Variants in ABCC3 observed in about 807,000 individuals in gnomAD.
The protein encoded by ABCC3 is ATP binding cassette subfamily C member 3.
Under a neutral mutation model 165.3 loss-of-function variants are expected in ABCC3, and 121 were observed. The ratio of observed to expected loss-of-function variants is 0.73; its 90% confidence interval spans 0.63 to 0.85. The LOEUF (loss-of-function observed/expected upper bound fraction) is 0.85, where lower values mean the gene tolerates loss of function less well. Among genes scored for constraint, ABCC3 ranks in the 40% least tolerant of loss-of-function variants. The pLI, the probability that ABCC3 is intolerant of heterozygous loss-of-function variation, is 0.00. For synonymous variants in ABCC3, 733 were observed against 810.1 expected, an observed-to-expected ratio of 0.90 and a Z score of 1.62; for missense variants, 1,869 against 1,964.1, an observed-to-expected ratio of 0.95 and a Z score of 0.92.
chr17:50,664,645 G>T, intron 10 of ABCC3: 1 of 172,248 alleles, frequency 5.8e-6, no homozygotes, highest in Non-Finnish European at 1.2e-5. Flanking sequence ...AGAGGTTGCA[G>T]TGAGCCGAGA....
At chr17:50,663,555 T>G in intron 8 of ABCC3, 126 bp from the exon 9 acceptor site, 1 of 1,131,432 alleles carries the variant, frequency 8.8e-7, no homozygotes, top group Non-Finnish European at 1.3e-6. Flanking sequence ...CCCAAGAGGT[T>G]GGAGGGGGTG....
chr17:50,673,985 TCTCTC>T (rs1567835595), intron 19 of ABCC3, among the ~76,000 whole-genome samples: 89 of 4,132 alleles, frequency 0.022, 20 homozygotes, highest in South Asian at 0.032. Context: ...TCTTTCTCTC[TCTCTC>T]TCTCTCTCTC....
chr17:50,673,517 T>C lies in ABCC3; in HGVS notation c.2458T>C (p.Phe820Leu). Residue 820 changes from phenylalanine (F) to leucine (L), a missense_variant, in exon 19 of 31, where the codon TTC becomes CTC. By Grantham distance (22) the Phe-to-Leu change is conservative. Transcript: ENST00000285238. ...CATTAGCTTCCTGCCCCAGACAGAC[T>C]TCATCATTGTGCTAGCTGATGGACA... Reference protein sequence around the residue: ...HGISFLPQTDFIIVLADGQVS... With the variant: ...HGISFLPQTDLIIVLADGQVS... 1 of 1,614,144 alleles carries C rather than the reference T, an allele frequency of 6.2e-7. No homozygotes were observed. The highest frequency in any genetic ancestry group is 8.5e-7 in the Non-Finnish European group (1 of 1,180,014).
chr17:50,670,624 T>C (rs1967627849), intron 17 of ABCC3, among the ~76,000 whole-genome samples: 1 of 152,014 alleles, frequency 6.6e-6, no homozygotes. Context: ...AAATGCTCAG[T>C]GGAAAAAATA....
intron 30 of ABCC3, among the ~76,000 whole-genome samples, chr17:50,687,958 T>G (rs1319750517): frequency 1.3e-5 from 2 of 150,906 alleles, no homozygotes; most frequent in African/African-American, 4.9e-5. Flanking sequence ...CTTCTTCTTC[T>G]TCTTTTTTTT....
At chr17:50,672,405 C>T (rs964575524) in intron 17 of ABCC3, among the ~76,000 whole-genome samples, 48 of 152,138 alleles carry the variant, frequency 3.2e-4, no homozygotes, top group African/African-American at 1.1e-3. Context: ...ATTTGTGTGC[C>T]CATTTATCCG....
At chr17:50,689,375 G>A (rs1291512713) in intron 30 of ABCC3, among the ~76,000 whole-genome samples, 3 of 152,214 alleles carry the variant, frequency 2.0e-5, no homozygotes, top group East Asian at 1.9e-4. Context: ...AGATGTCAAA[G>A]TGTGGTGCTG....
rs370298550 is a variant in ABCC3 at position 50,659,233 on chromosome 17, C to T, written c.675-4C>T. 6.9e-5 allele frequency: 111 copies of T among 1,613,476 alleles called. 1 individual carries two copies. Among genetic ancestry groups the T allele is most frequent in the Middle Eastern group, 5.0e-4 (3 of 5,954 alleles). ...GCTGCCTGCCGGGCTTCACCTCCCC[C>T]CAGGATGGCCATCTATGGCTACCGG... is the stretch of plus-strand genomic sequence containing the variant. On this transcript the variant is annotated splice_polypyrimidine_tract_variant and splice_region_variant and intron_variant, in intron 6 of 30. Coordinates refer to ENST00000285238, the MANE Select transcript of ABCC3 (RefSeq NM_003786.4).
intron 1 of ABCC3, among the ~76,000 whole-genome samples, chr17:50,644,757 G>A (rs558766595): frequency 6.7e-6 from 1 of 149,862 alleles, no homozygotes; most frequent in Admixed American, 6.6e-5. Flanking sequence ...AGTGGCTCAT[G>A]CCTGTAATCC....
At chr17:50,652,009 A>G (rs908704718) in intron 1 of ABCC3, among the ~76,000 whole-genome samples, 2 of 152,236 alleles carry the variant, frequency 1.3e-5, no homozygotes, top group Non-Finnish European at 2.9e-5. Flanking sequence ...AACCAACAAT[A>G]TTCTTATTTG....
At position 50,667,880 on chromosome 17, in the gene ABCC3, CT is replaced by C; in HGVS notation, c.1654del (p.Trp552GlyfsTer27). On this transcript the variant is annotated frameshift_variant, in exon 13 of 31. Transcript: ENST00000285238. LOFTEE classifies it high-confidence loss of function. ...CTGCTCAGGTGACCCTGATCACCCT[CT>C]GGGTGTACGTGTACGTGGACCCAAA... ...SPFLVTLITL[W>X]VYVYVDPNNV... 1.9e-6 allele frequency: 3 copies of C among 1,614,116 alleles called. No homozygotes were observed. The highest frequency in any genetic ancestry group is 2.5e-6 in the Non-Finnish European group (3 of 1,179,974).
Position 50,687,684 on chromosome 17 carries a change from G to C in ABCC3, c.4429G>C (p.Val1477Leu). 1.2e-6 allele frequency: 2 copies of C among 1,614,262 alleles called. No homozygotes were observed. Among genetic ancestry groups the C allele is most frequent in the Non-Finnish European group, 1.7e-6 (2 of 1,180,048 alleles). Residue 1477 changes from valine to leucine, a missense_variant, in exon 30 of 31, where the codon GTC becomes CTC. Val to Leu is a conservative substitution (Grantham distance 32). Transcript: ENST00000285238. The part of the protein sequence containing the change: ...TIRTQFDTCT[V>L]LTIAHRLNTI... Reference sequence around the variant, plus strand: ...CCGCACCCAGTTTGATACCTGCACTGTCCTGACCATCGCACACCGGCTTAA... The same window carrying C: ...CCGCACCCAGTTTGATACCTGCACTCTCCTGACCATCGCACACCGGCTTAA...
intron 1 of ABCC3, chr17:50,635,850 T>C (rs1047782786): frequency 6.8e-6 from 3 of 440,168 alleles, no homozygotes; most frequent in Non-Finnish European, 1.2e-5. Context: ...ACCACTGCAC[T>C]GTGGCCTGGG....
chr17:50,639,228 G>A (rs1415773837), intron 1 of ABCC3, among the ~76,000 whole-genome samples: 4 of 152,154 alleles, frequency 2.6e-5, no homozygotes, highest in African/African-American at 9.7e-5. Flanking sequence ...CATCTCAGCT[G>A]CTGCAAGCAA....
rs1967256969 is a variant in ABCC3, at chr17:50,656,721, G to A, written c.242G>A (p.Trp81Ter). 1 of 1,613,498 alleles carries A rather than the reference G, an allele frequency of 6.2e-7. No homozygotes were observed. The highest frequency in any genetic ancestry group is 8.5e-7 in the Non-Finnish European group (1 of 1,179,830). ...KLKMVLGVLL[W>*]CVSWADLFYS... is the part of the protein sequence containing the mutation. ...TCGCAGGTCCTGGGTGTCCTGCTGTGGTGCGTCTCCTGGGCGGACCTTTTT... is the reference window on the plus strand; with the variant it reads ...TCGCAGGTCCTGGGTGTCCTGCTGTAGTGCGTCTCCTGGGCGGACCTTTTT... Residue 81 changes from tryptophan (W) to a stop codon, truncating the protein, a stop_gained, in exon 3 of 31, where the codon TGG becomes TAG. Coordinates refer to ENST00000285238, the MANE Select transcript of ABCC3 (RefSeq NM_003786.4). LOFTEE classifies it high-confidence loss of function.
At chr17:50,635,211 G>A (rs1372802905) in intron 1 of ABCC3, 1 of 622,536 alleles carries the variant, frequency 1.6e-6, no homozygotes, top group South Asian at 2.0e-5. Flanking sequence ...CTTCCCGGCT[G>A]CAGCACTGGG....
intron 17 of ABCC3, among the ~76,000 whole-genome samples, chr17:50,671,303 A>G (rs185253423): frequency 2.1e-4 from 32 of 152,002 alleles, no homozygotes; most frequent in African/African-American, 7.7e-4. Flanking sequence ...TTCTTAGTGT[A>G]CAGTTCAGCA....
chr17:50,659,449 G>T, intron 7 of ABCC3, 81 bp downstream of exon 7: 3 of 1,495,244 alleles, frequency 2.0e-6, no homozygotes, highest in Non-Finnish European at 2.7e-6. Flanking sequence ...AGACCTTGGA[G>T]GGCGGCATTG....
chr17:50,676,395 C>A lies in ABCC3; in HGVS notation c.3185C>A (p.Thr1062Asn), dbSNP rs374171279. The change falls in exon 23 of 31, where the codon ACC (threonine) becomes AAC (asparagine). Residue 1062 changes from threonine (T) to asparagine (N), a missense_variant. Coordinates refer to ENST00000285238, the MANE Select transcript of ABCC3 (RefSeq NM_003786.4). Reference sequence around the variant, plus strand: ...CGCTCGCCACAGTCCTTCTTTGACACCACACCATCAGGCCGCATCCTGAAC... The same window carrying A: ...CGCTCGCCACAGTCCTTCTTTGACAACACACCATCAGGCCGCATCCTGAAC... ...KIRSPQSFFDTTPSGRILNCF... is the reference protein window; with the variant it reads ...KIRSPQSFFDNTPSGRILNCF... 7 of 1,614,234 alleles carry A rather than the reference C, an allele frequency of 4.3e-6. No individual in the cohort carries two copies. The highest frequency in any genetic ancestry group is 5.1e-6 in the Non-Finnish European group (6 of 1,180,038).
Sources: gnomAD v4.1 joint callset for allele counts (sites outside exome capture counted in the v4.1 genomes callset) on GRCh38, gnomAD v4.1.1 for gene constraint, MANE v1.5 for transcripts, NCBI Gene and HGNC (gene_info 2026-07-23, HGNC 2026-07-21) for gene names.